DLG2: variants seen among roughly 807,000 people sequenced by gnomAD.
DLG2 encodes discs large MAGUK scaffold protein 2, also known as disks large homolog 2.
In DLG2, 45 loss-of-function variants were observed where a neutral mutation model predicts 132.5. That is an observed-to-expected ratio of 0.34 (90% CI 0.27 to 0.44). DLG2 has a LOEUF of 0.44. DLG2 is among the 20% of genes least tolerant of loss of function. The pLI is 1.00. For synonymous variants in DLG2, 424 were observed against 419.6 expected (o/e 1.01, Z -0.13); for missense variants, 1,045 against 1,196.9 (o/e 0.87, Z 1.87).
chr11:84,532,016 A>G (rs2099343683), intron 7 of DLG2, among the ~76,000 whole-genome samples: 1 of 152,070 alleles, frequency 6.6e-6, no homozygotes, highest in Non-Finnish European at 1.5e-5. Flanking sequence ...TGATGGTGCA[A>G]TCACCAAAAC....
chr11:84,454,678 T>C (rs2099060685), intron 7 of DLG2, among the ~76,000 whole-genome samples: 1 of 151,518 alleles, frequency 6.6e-6, no homozygotes, highest in Non-Finnish European at 1.5e-5. Context: ...ATTATTTACA[T>C]GAGCAAAAGC....
chr11:85,431,722 A>G (rs563718414), intron 3 of DLG2, among the ~76,000 whole-genome samples: 22 of 152,258 alleles, frequency 1.4e-4, no homozygotes, highest in Non-Finnish European at 3.1e-4. Context: ...ACCAGCAGAC[A>G]TAGTCTTTCC....
intron 7 of DLG2, among the ~76,000 whole-genome samples, chr11:84,442,102 C>T (rs1368686292): frequency 5.3e-5 from 8 of 152,142 alleles, no homozygotes; most frequent in Non-Finnish European, 1.2e-4. Context: ...GCTATACAGG[C>T]TCTTTTTTCA....
chr11:84,651,907 A>G (rs1403964169), intron 6 of DLG2, among the ~76,000 whole-genome samples: 1 of 152,182 alleles, frequency 6.6e-6, no homozygotes, highest in Non-Finnish European at 1.5e-5. Context: ...TACAGATTTT[A>G]ATGCCAGTAA....
At chr11:84,558,747 G>A (rs538722761) in intron 6 of DLG2, among the ~76,000 whole-genome samples, 76 of 152,188 alleles carry the variant, frequency 5.0e-4, no homozygotes, top group African/African-American at 1.7e-3. Context: ...GCCAAATTCC[G>A]TTCAGATGTG....
intron 6 of DLG2, among the ~76,000 whole-genome samples, chr11:84,703,068 A>T (rs922359841): frequency 6.6e-6 from 1 of 151,612 alleles, no homozygotes; most frequent in Admixed American, 6.6e-5. Context: ...AAAAAGTTTC[A>T]CCAAAAATTC....
intron 6 of DLG2, among the ~76,000 whole-genome samples, chr11:84,764,329 C>T (rs1385541439): frequency 1.3e-5 from 2 of 152,130 alleles, no homozygotes; most frequent in African/African-American, 2.4e-5. Context: ...CAAATAAGTA[C>T]TTATTCTTCC....
At chr11:85,101,729 A>G (rs911950235) in intron 6 of DLG2, among the ~76,000 whole-genome samples, 1 of 152,112 alleles carries the variant, frequency 6.6e-6, no homozygotes, top group African/African-American at 2.4e-5. Flanking sequence ...TGTAGCACAC[A>G]GCTCTGTCAC....
chr11:84,344,586 A>G (rs1567349731), intron 7 of DLG2, among the ~76,000 whole-genome samples: 1 of 152,202 alleles, frequency 6.6e-6, no homozygotes, highest in Admixed American at 6.5e-5. Context: ...TTTTCCACCT[A>G]TTAAAGGCAA....
chr11:85,533,517 GTAC>G (rs1244793078), intron 3 of DLG2, among the ~76,000 whole-genome samples: 1 of 149,936 alleles, frequency 6.7e-6, no homozygotes, highest in Admixed American at 6.7e-5. Context: ...GGGTGTATAC[GTAC>G]TACATTTTCT....
intron 6 of DLG2, among the ~76,000 whole-genome samples, chr11:84,596,773 T>C (rs1197456862): frequency 1.3e-5 from 2 of 152,170 alleles, no homozygotes; most frequent in Admixed American, 6.5e-5. Flanking sequence ...ATATTATCAA[T>C]GAAAACGAAA....
At chr11:84,856,205 T>A (rs554644106) in intron 6 of DLG2, among the ~76,000 whole-genome samples, 1 of 152,206 alleles carries the variant, frequency 6.6e-6, no homozygotes, top group Non-Finnish European at 1.5e-5. Context: ...GAAAAAACAG[T>A]CTTTTCAATA....
At chr11:84,716,716 A>G (rs1233408354) in intron 6 of DLG2, among the ~76,000 whole-genome samples, 2 of 151,938 alleles carry the variant, frequency 1.3e-5, no homozygotes, top group African/African-American at 4.8e-5. Context: ...GCAAAAAAAA[A>G]AAAAAAGGTA....
chr11:84,252,276 G>A lies in DLG2; in HGVS notation c.520-985C>T, dbSNP rs573890470. On this transcript the variant is annotated intron_variant, in intron 7 of 27. Transcript: ENST00000376104. ...AACGATTCTTCTGTCTCATCCTCCC[G>A]AGTAGCTGGAACTACAGGCATGTGC... is the stretch of plus-strand genomic sequence containing the variant. Among the ~76,000 whole-genome samples, 4 of 146,858 alleles carry A rather than the reference G, an allele frequency of 2.7e-5. No homozygotes were observed. In the South Asian group the frequency reaches 6.6e-4, roughly 24 times the overall value.
intron 6 of DLG2, among the ~76,000 whole-genome samples, chr11:85,065,421 C>A (rs1181180922): frequency 6.6e-6 from 1 of 151,534 alleles, no homozygotes; most frequent in Non-Finnish European, 1.5e-5. Flanking sequence ...GAGTCTTCAT[C>A]ATTTCACAGA....
At chr11:85,540,903 C>T (rs2075921390) in intron 3 of DLG2, among the ~76,000 whole-genome samples, 1 of 152,228 alleles carries the variant, frequency 6.6e-6, no homozygotes, top group South Asian at 2.1e-4. Flanking sequence ...GATAAGAAAA[C>T]TCCTCCCATT....
intron 25 of DLG2, among the ~76,000 whole-genome samples, chr11:83,467,574 C>A (rs1252725610): frequency 6.6e-6 from 1 of 151,208 alleles, no homozygotes; most frequent in Admixed American, 6.6e-5. Flanking sequence ...AATGGTGAGA[C>A]CCTGTCTCTG....
rs541118522 is a variant in DLG2, at chr11:83,590,247, T to A, written c.1940+42964A>T. ...TTGACCACATAGTTGGAAGTAAAGC[T>A]CTCCTCAGCAAATGTAAAAGAACAG... On this transcript the variant is annotated intron_variant, in intron 19 of 27. Coordinates refer to ENST00000376104, the MANE Select transcript of DLG2 (RefSeq NM_001142699.3). 4.4e-4 allele frequency among the ~76,000 whole-genome samples: 67 copies of A among 151,032 alleles called. 1 individual carries two copies. The highest frequency in any genetic ancestry group is 1.6e-3 in the African/African-American group (65 of 41,080).
At chr11:84,169,612 C>G (rs1313812536) in intron 8 of DLG2, among the ~76,000 whole-genome samples, 1 of 152,218 alleles carries the variant, frequency 6.6e-6, no homozygotes, top group South Asian at 2.1e-4. Flanking sequence ...GTGGCTCACC[C>G]CTATAATCTC....
Sources: allele counts gnomAD v4.1 joint callset (sites outside exome capture counted in the v4.1 genomes callset), GRCh38; gene constraint gnomAD v4.1.1; transcripts MANE v1.5; gene names NCBI Gene and HGNC (gene_info 2026-07-23, HGNC 2026-07-21).